AFF2: variants seen among roughly 807,000 people sequenced by gnomAD.
The protein encoded by AFF2 is ALF transcription elongation factor 2, also known as AF4/FMR2 family member 2.
AFF2 carries 14 observed loss-of-function variants against 76.9 expected under a neutral mutation model. The ratio of observed to expected loss-of-function variants is 0.18; its 90% confidence interval spans 0.12 to 0.28. AFF2 has a LOEUF of 0.28. Among genes scored for constraint, AFF2 ranks in the 10% least tolerant of loss-of-function variants. AFF2 has a pLI of 1.00. For synonymous variants in AFF2, 398 were observed against 366.7 expected (o/e 1.09, Z -0.98); for missense variants, 868 against 1,001.1 (o/e 0.87, Z 1.79).
In AFF2 at chrX:149,000,219, G is replaced by A. The variant is rs896255497; in HGVS notation, c.*8887G>A. On this transcript the variant is annotated 3_prime_UTR_variant, in exon 21 of 21. Coordinates refer to ENST00000370460, the MANE Select transcript of AFF2 (RefSeq NM_002025.4). ...AGTCTTCTGAACCACCTTTTCTTGG[G>A]TGCAGATTTCCAACATTCATGCTCA... 1 of 112,253 alleles carries A rather than the reference G, an allele frequency of 8.9e-6. No homozygotes were observed. The highest frequency in any genetic ancestry group is 1.9e-5 in the Non-Finnish European group (1 of 53,263). The allele number at this position is 112,253 out of a possible 1,213,427, so 9.3% of individuals were successfully genotyped here.
intron 8 of AFF2, among the ~76,000 whole-genome samples, chrX:148,901,009 G>T (rs1273145060): frequency 1.8e-5 from 2 of 112,178 alleles, no homozygotes; most frequent in African/African-American, 3.2e-5. Context: ...TCACAATCAA[G>T]GTGCACTGCA....
chrX:148,662,463 G>T lies in AFF2; in HGVS notation c.736G>T (p.Val246Leu). The part of the protein sequence containing the change: ...SNSPEESEFA[V>L]QAPGSPLVAS... ...TTCACCGGAAGAATCTGAATTCGCC[G>T]TGCAAGCGCCTGGGTCTCCCCTAGT... The change falls in exon 3 of 21, where the codon GTG becomes TTG. Residue 246 changes from valine (V) to leucine (L), a missense_variant. Val to Leu is a conservative substitution (Grantham distance 32). Transcript: ENST00000370460. The T allele has an allele frequency of 2.5e-6, 3 of 1,211,862 alleles. No homozygotes were observed. Among genetic ancestry groups the T allele is most frequent in the Admixed American group, 4.3e-5 (2 of 46,058 alleles).
intron 3 of AFF2, among the ~76,000 whole-genome samples, chrX:148,772,160 G>T (rs1452517279): frequency 8.9e-6 from 1 of 112,111 alleles, no homozygotes; most frequent in Non-Finnish European, 1.9e-5. Flanking sequence ...ATGTGGCAAG[G>T]TAATTGACTC....
chrX:148,623,953 G>A (rs1034099281), intron 1 of AFF2, among the ~76,000 whole-genome samples: 2 of 111,213 alleles, frequency 1.8e-5, no homozygotes, highest in African/African-American at 6.5e-5. Flanking sequence ...TGATAAGCTG[G>A]CAGTTTTGTT....
At chrX:148,869,317 A>G (rs192259125) in intron 7 of AFF2, among the ~76,000 whole-genome samples, 16 of 112,065 alleles carry the variant, frequency 1.4e-4, no homozygotes, top group Non-Finnish European at 2.8e-4. Flanking sequence ...TGGCTGGACA[A>G]CACTGCAAAG....
chrX:148,678,001 C>T lies in AFF2; in HGVS notation c.1041+15233C>T, dbSNP rs781800427. On this transcript the variant is annotated intron_variant, in intron 3 of 20. Transcript: ENST00000370460. ...TGGAATTGAATGTACAATATTTTTG[C>T]ACTCCATAGTTCCTAGGATTGCAAT... Among the ~76,000 whole-genome samples, 13 of 111,795 alleles carry T rather than the reference C, an allele frequency of 1.2e-4. No individual in the cohort carries two copies. The East Asian group carries it at 3.6e-3, about 31-fold the overall frequency.
At chrX:148,923,717 G>C (rs187217136) in intron 9 of AFF2, among the ~76,000 whole-genome samples, 78 of 111,725 alleles carry the variant, frequency 7.0e-4, no homozygotes, top group African/African-American at 1.9e-3. Context: ...TCAATTGTTT[G>C]CTTTGTAGGA....
intron 3 of AFF2, among the ~76,000 whole-genome samples, chrX:148,714,325 A>G (rs189949934): frequency 1.5e-3 from 172 of 112,109 alleles, no homozygotes; most frequent in Non-Finnish European, 1.4e-3. Context: ...GTCTTTATGT[A>G]TAATTGATTA....
At chrX:148,690,557 C>G (rs1557260681) in intron 3 of AFF2, among the ~76,000 whole-genome samples, 3 of 112,291 alleles carry the variant, frequency 2.7e-5, no homozygotes, top group Admixed American at 9.4e-5. Flanking sequence ...TCAGTCCAGT[C>G]TCCTTTCTTC....
At chrX:148,787,558 G>A (rs1557269626) in intron 3 of AFF2, among the ~76,000 whole-genome samples, 8 of 112,117 alleles carry the variant, frequency 7.1e-5, no homozygotes, top group Admixed American at 5.7e-4. Flanking sequence ...GTCCAGAAAC[G>A]AGGAGAATTC....
chrX:148,722,403 C>T (rs1557263905), intron 3 of AFF2, among the ~76,000 whole-genome samples: 1 of 110,522 alleles, frequency 9.0e-6, no homozygotes, highest in East Asian at 2.9e-4. Context: ...CTTATTCCCC[C>T]TCTTAAAGAA....
chrX:148,681,655 AGAAAGAAAGAGAAAGAAAGAAAG>A (rs1240635484), intron 3 of AFF2, among the ~76,000 whole-genome samples: 1 of 108,671 alleles, frequency 9.2e-6, no homozygotes, highest in Non-Finnish European at 1.9e-5. Context: ...AGAAAGAGAA[AGAAAGAAAGAGAAAGAAAGAAAG>A]GAAAGAAAGA....
At chrX:148,503,253 C>A (rs1475967804) in intron 1 of AFF2, among the ~76,000 whole-genome samples, 1 of 111,840 alleles carries the variant, frequency 8.9e-6, no homozygotes, top group African/African-American at 3.3e-5. Context: ...AGAAAAGGAA[C>A]ATAAATGTGA....
chrX:148,949,995 G>A (rs1489405693), intron 9 of AFF2, among the ~76,000 whole-genome samples: 4 of 112,332 alleles, frequency 3.6e-5, no homozygotes, highest in Non-Finnish European at 5.6e-5. Flanking sequence ...AATTAGTAAC[G>A]TATGAAAATA....
At chrX:148,646,977 ATTTTC>A in intron 1 of AFF2, among the ~76,000 whole-genome samples, 1 of 112,219 alleles carries the variant, frequency 8.9e-6, no homozygotes, top group East Asian at 2.8e-4. Flanking sequence ...GATAGCAGAG[ATTTTC>A]TTTTCTTAAC....
At chrX:148,958,169 G>C (rs1246437685) in intron 11 of AFF2, among the ~76,000 whole-genome samples, 168 bp from the exon 12 acceptor site, 1 of 111,998 alleles carries the variant, frequency 8.9e-6, no homozygotes, top group Non-Finnish European at 1.9e-5. Context: ...GCTAGGCAAG[G>C]TTGATTGCTT....
intron 2 of AFF2, among the ~76,000 whole-genome samples, chrX:148,659,067 G>T (rs1250227159): frequency 1.8e-5 from 2 of 111,872 alleles, no homozygotes; most frequent in Admixed American, 9.5e-5. Context: ...GTAGTAGAAG[G>T]TTGATTTTCC....
intron 1 of AFF2, among the ~76,000 whole-genome samples, chrX:148,559,946 C>T (rs2053091914): frequency 8.9e-6 from 1 of 111,804 alleles, no homozygotes; most frequent in African/African-American, 3.3e-5. Context: ...CTGTTGTTTC[C>T]TGACTTTTTA....
intron 1 of AFF2, among the ~76,000 whole-genome samples, chrX:148,642,236 CA>C (rs2054097074): frequency 8.9e-6 from 1 of 111,853 alleles, no homozygotes; most frequent in African/African-American, 3.3e-5. Flanking sequence ...TTTGCCTGGG[CA>C]AAAATTAGTG....
Sources: allele counts gnomAD v4.1 joint callset (sites outside exome capture counted in the v4.1 genomes callset), GRCh38; gene constraint gnomAD v4.1.1; transcripts MANE v1.5; gene names NCBI Gene and HGNC (gene_info 2026-07-23, HGNC 2026-07-21).